The following RNLS variants were observed in gnomAD, a reference collection of about 807,000 sequenced individuals.
The protein encoded by RNLS is renalase.
Under a neutral mutation model 39.8 loss-of-function variants are expected in RNLS, and 39 were observed. That is an observed-to-expected ratio of 0.98 (90% CI 0.76 to 1.28). The LOEUF (loss-of-function observed/expected upper bound fraction) is 1.28. RNLS is among the 50% of genes most tolerant of loss of function. The pLI is 0.00. For synonymous variants in RNLS, 147 were observed against 150.7 expected, an observed-to-expected ratio of 0.98 and a Z score of 0.18; for missense variants, 410 against 413.3, an observed-to-expected ratio of 0.99 and a Z score of 0.07.
the RNLS span, among the ~76,000 whole-genome samples, chr10:88,232,812 T>A: frequency 6.6e-6 from 1 of 152,192 alleles, no homozygotes; most frequent in Non-Finnish European, 1.5e-5. Flanking sequence ...TGCCTGCATT[T>A]CTAAGTCTCA....
chr10:88,253,492 A>T, the RNLS span, among the ~76,000 whole-genome samples: 1 of 152,076 alleles, frequency 6.6e-6, no homozygotes, highest in African/African-American at 2.4e-5. Context: ...TGGGTGTGGG[A>T]TTATTTGTTT....
chr10:88,581,079 T>A (rs548568675), intron 3 of RNLS, among the ~76,000 whole-genome samples: 1 of 152,016 alleles, frequency 6.6e-6, no homozygotes, highest in South Asian at 2.1e-4. Flanking sequence ...GCCTAAATAT[T>A]TACCAGAAAG....
In RNLS at chr10:88,386,038, G is replaced by A. The variant is rs1273014565; in HGVS notation, c.527-23313C>T. ...CAGCTCGTGATGGTGGCTTTTTTAC[G>A]TTAAGGAGGAAACTCTGTGGTTAAA... On this transcript the variant is annotated intron_variant, in intron 4 of 6. Transcript: ENST00000331772. 3.3e-5 allele frequency among the ~76,000 whole-genome samples: 5 copies of A among 152,092 alleles called. No homozygotes were observed. In the East Asian group the frequency reaches 9.6e-4, roughly 29 times the overall value.
chr10:88,445,363 C>T (rs1841973179), intron 4 of RNLS, among the ~76,000 whole-genome samples: 1 of 152,304 alleles, frequency 6.6e-6, no homozygotes, highest in Admixed American at 6.5e-5. Context: ...ACTGCAAAAA[C>T]ATGCCAAATT....
Position 88,492,781 on chromosome 10 carries a change from T to A in RNLS, c.526+80122A>T, listed in dbSNP as rs199512607. On this transcript the variant is annotated intron_variant, in intron 4 of 6. Coordinates refer to ENST00000331772, the MANE Select transcript of RNLS (RefSeq NM_001031709.3). ...TTGTGTGTGTGCAGCTACCCAATTC[T>A]TTTTCAATCTCATCATCCCCAAATA... Among the ~76,000 whole-genome samples, 11 of 152,210 alleles carry A rather than the reference T, an allele frequency of 7.2e-5. No homozygotes were observed. In the East Asian group the frequency reaches 1.9e-3, roughly 27 times the overall value.
At chr10:88,240,955 ATTAT>A in the RNLS span, among the ~76,000 whole-genome samples, 1 of 150,826 alleles carries the variant, frequency 6.6e-6, no homozygotes, top group African/African-American at 2.4e-5. Flanking sequence ...AATGTTTTTC[ATTAT>A]TTATCATCAT....
At chr10:88,552,829 G>A (rs1274804879) in intron 4 of RNLS, among the ~76,000 whole-genome samples, 1 of 152,086 alleles carries the variant, frequency 6.6e-6, no homozygotes, top group Non-Finnish European at 1.5e-5. Context: ...AATTCTCTAT[G>A]AACGTTGTAA....
At chr10:88,332,740 A>AT (rs2133171702) in intron 5 of RNLS, among the ~76,000 whole-genome samples, 1 of 152,368 alleles carries the variant, frequency 6.6e-6, no homozygotes, top group South Asian at 2.1e-4. Flanking sequence ...AAAGGGGGAA[A>AT]TGATAGAGGT....
chr10:88,524,960 CATATATATATATATATATAT>C (rs772272529), intron 4 of RNLS, among the ~76,000 whole-genome samples: 18 of 88,968 alleles, frequency 2.0e-4, no homozygotes, highest in African/African-American at 4.8e-4. Context: ...CACACACATA[CATATATATATATATATATAT>C]ATATATATAT....
At chr10:88,375,741 C>T (rs1850942165) in intron 4 of RNLS, among the ~76,000 whole-genome samples, 1 of 152,152 alleles carries the variant, frequency 6.6e-6, no homozygotes, top group Non-Finnish European at 1.5e-5. Context: ...GGCTTCCCTT[C>T]AGTCTGCTAG....
intron 4 of RNLS, among the ~76,000 whole-genome samples, chr10:88,570,738 C>T (rs1355418883): frequency 6.6e-6 from 1 of 152,094 alleles, no homozygotes; most frequent in African/African-American, 2.4e-5. Flanking sequence ...TTCTAAAGGT[C>T]ATATTCTCAC....
At chr10:88,487,664 T>C (rs993376462) in intron 4 of RNLS, among the ~76,000 whole-genome samples, 4 of 150,606 alleles carry the variant, frequency 2.7e-5, no homozygotes, top group South Asian at 2.1e-4. Context: ...ACTTGGAAAA[T>C]AATTTGACAA....
intron 4 of RNLS, among the ~76,000 whole-genome samples, chr10:88,544,699 A>G (rs776436442): frequency 5.3e-5 from 8 of 152,192 alleles, no homozygotes; most frequent in Non-Finnish European, 8.8e-5. Context: ...TGGTTTTGAA[A>G]TTACAAACAA....
intron 4 of RNLS, among the ~76,000 whole-genome samples, chr10:88,400,803 G>A (rs558661776): frequency 2.0e-5 from 3 of 151,520 alleles, no homozygotes; most frequent in South Asian, 2.1e-4. Flanking sequence ...CTGCTTATGG[G>A]AGGGTCCTTG....
chr10:88,316,994 A>G (rs142728203), intron 5 of RNLS, among the ~76,000 whole-genome samples: 353 of 152,262 alleles, frequency 2.3e-3, no homozygotes, highest in African/African-American at 7.8e-3. Context: ...AAAAGCCACA[A>G]ATATGTTAAT....
Position 88,324,969 on chromosome 10 carries a change from T to C in RNLS, c.701-10328A>G, listed in dbSNP as rs142705760. Among the ~76,000 whole-genome samples the C allele has an allele frequency of 2.6e-4, 39 of 152,296 alleles. No homozygotes were observed. The East Asian group carries it at 7.1e-3, about 28-fold the overall frequency. The stretch of plus-strand genomic sequence containing the variant: ...CAAAGTTCATATATTTTGTAGTAGG[T>C]CAGGGTTTCCTTCCTTCTTAAGGCC... On this transcript the variant is annotated intron_variant, in intron 5 of 6. Coordinates refer to ENST00000331772, the MANE Select transcript of RNLS (RefSeq NM_001031709.3).
At chr10:88,188,458 T>C in the RNLS span, among the ~76,000 whole-genome samples, 1 of 152,242 alleles carries the variant, frequency 6.6e-6, no homozygotes, top group Non-Finnish European at 1.5e-5. Flanking sequence ...CAATAGCTGT[T>C]CTTTAAAATC....
chr10:88,284,138 G>A lies in RNLS; in HGVS notation c.*1216C>T. 1.0e-6 allele frequency: 1 copy of A among 985,046 alleles called. No individual in the cohort carries two copies. Among genetic ancestry groups the A allele is most frequent in the Non-Finnish European group, 1.2e-6 (1 of 829,720 alleles). 61.0% of individuals were successfully genotyped at this position (985,046 alleles called of 1,614,324 possible). A position where few individuals can be genotyped will look rare whatever the true frequency, so the allele number is the denominator to read the frequency against. On this transcript the variant is annotated 3_prime_UTR_variant, in exon 7 of 7. Transcript: ENST00000331772. ...GTTTTTCACCAATTTATTGCTAAGA[G>A]GAAACATATAATAATATGCTATAGG...
At chr10:88,232,489 C>G in the RNLS span, among the ~76,000 whole-genome samples, 1 of 152,170 alleles carries the variant, frequency 6.6e-6, no homozygotes, top group Non-Finnish European at 1.5e-5. Context: ...CTATGCTTCC[C>G]AGGCTGAACT....
Sources: allele counts gnomAD v4.1 joint callset (sites outside exome capture counted in the v4.1 genomes callset), GRCh38; gene constraint gnomAD v4.1.1; transcripts MANE v1.5; gene names NCBI Gene and HGNC (gene_info 2026-07-23, HGNC 2026-07-21).